Variants in COL5A1 observed in about 807,000 individuals in gnomAD.
The protein encoded by COL5A1 is collagen type V alpha 1 chain, also known as collagen alpha-1(V) chain.
A neutral mutation model predicts 263.7 loss-of-function variants in COL5A1; 16 were observed. The ratio of observed to expected loss-of-function variants is 0.06; its 90% CI spans 0.04 to 0.09. The LOEUF is 0.09. COL5A1 is among the 10% of genes least tolerant of loss of function. The pLI, the probability that COL5A1 is intolerant of heterozygous loss-of-function variation, is 1.00. For missense variants in COL5A1, 2,036 were observed against 2,540.5 expected (o/e 0.80, Z 4.27); for synonymous variants, 1,012 against 1,004.5 (o/e 1.01, Z -0.14).
chr9:134,717,160 C>T (rs545349542), intron 4 of COL5A1, among the ~76,000 whole-genome samples: 3 of 152,228 alleles, frequency 2.0e-5, no homozygotes, highest in Non-Finnish European at 4.4e-5. Context: ...CTCCTACGTG[C>T]GCAGCGCTAA....
intron 63 of COL5A1, among the ~76,000 whole-genome samples, chr9:134,827,563 G>A (rs760544871): frequency 1.5e-4 from 23 of 152,346 alleles, no homozygotes; most frequent in African/African-American, 5.3e-4. Context: ...TGGCCTTGCC[G>A]CTGTGGAAAT....
At chr9:134,810,601 A>G (rs1044968416) in intron 44 of COL5A1, 4 of 451,434 alleles carry the variant, frequency 8.9e-6, no homozygotes, top group African/African-American at 7.8e-5. Flanking sequence ...AGACACACCC[A>G]TTGCCCTCTG....
intron 4 of COL5A1, chr9:134,708,829 T>G: frequency 2.2e-6 from 1 of 456,656 alleles, no homozygotes; most frequent in Non-Finnish European, 4.4e-6. Context: ...AAGATCGAGG[T>G]GTGGGCGGGG....
chr9:134,646,627 C>T (rs2132463667), intron 1 of COL5A1, among the ~76,000 whole-genome samples: 1 of 152,326 alleles, frequency 6.6e-6, no homozygotes, highest in East Asian at 1.9e-4. Flanking sequence ...AACCCTTTCT[C>T]TGCCCCCGTT....
At chr9:134,760,461 ACCCC>A (rs1836334685) in intron 18 of COL5A1, among the ~76,000 whole-genome samples, 1 of 83,940 alleles carries the variant, frequency 1.2e-5, no homozygotes, top group Non-Finnish European at 2.1e-5. Flanking sequence ...ACACCCACAC[ACCCC>A]CACATTCATA....
intron 58 of COL5A1, among the ~76,000 whole-genome samples, chr9:134,820,709 G>A (rs547146222): frequency 1.1e-4 from 17 of 152,284 alleles, no homozygotes; most frequent in Admixed American, 1.3e-4. Context: ...CCAAGGAAAC[G>A]CCATGCAGAG....
At chr9:134,817,695 A>G (rs2132860808) in intron 53 of COL5A1, 83 bp from the exon 54 acceptor site, 1 of 1,270,420 alleles carries the variant, frequency 7.9e-7, no homozygotes, top group East Asian at 2.5e-5. Context: ...ACACACACAC[A>G]CACCCTGAGC....
intron 1 of COL5A1, among the ~76,000 whole-genome samples, chr9:134,675,208 A>C (rs1161043737): frequency 6.6e-6 from 1 of 152,184 alleles, no homozygotes; most frequent in Non-Finnish European, 1.5e-5. Context: ...TCTCAAATTC[A>C]GTGTTAAACT....
At chr9:134,766,890 G>C (rs1199287401) in intron 22 of COL5A1, 110 bp from the exon 23 acceptor site, 1 of 1,066,954 alleles carries the variant, frequency 9.4e-7, no homozygotes, top group African/African-American at 1.6e-5. Flanking sequence ...GCATTAGGCA[G>C]TGGGGAGCAG....
chr9:134,703,849 C>G (rs542945505), intron 4 of COL5A1, among the ~76,000 whole-genome samples: 2 of 151,772 alleles, frequency 1.3e-5, no homozygotes, highest in African/African-American at 2.4e-5. Context: ...CTGTGTTAGC[C>G]AGGATGGTCT....
rs182995095 is a variant in COL5A1 at position 134,834,167 on chromosome 9, C to A, written c.5137-804C>A. On this transcript the variant is annotated intron_variant, in intron 64 of 65. Coordinates refer to ENST00000371817, the MANE Select transcript of COL5A1 (RefSeq NM_000093.5). The stretch of plus-strand genomic sequence containing the variant: ...CCTCCTCCTCTCACCCCCAGGGAAC[C>A]TAATGCCCCTCTCTGGCCCTGCACC... Among the ~76,000 whole-genome samples the A allele has an allele frequency of 6.6e-3, 998 of 152,294 alleles. 28 individuals carry two copies. The highest frequency in any genetic ancestry group is 3.4e-3 in the Middle Eastern group (1 of 292).
chr9:134,659,395 T>C (rs974515513), intron 1 of COL5A1, among the ~76,000 whole-genome samples: 2 of 152,050 alleles, frequency 1.3e-5, no homozygotes, highest in Non-Finnish European at 2.9e-5. Flanking sequence ...AAAACAATAA[T>C]AATAATCATA....
chr9:134,753,759 T>TCCCCCTTCCCCCCCCCCTCCCCC, intron 14 of COL5A1, 91 bp from the exon 15 acceptor site: 1 of 540,648 alleles, frequency 1.8e-6, no homozygotes, highest in Non-Finnish European at 3.7e-6. Flanking sequence ...CCCTGTCCCC[T>TCCCCCTTCCCCCCCCCCTCCCCC]CCCCCTGCCC....
rs542939338 is a variant in COL5A1 at position 134,789,189 on chromosome 9, A to G, written c.2681A>G (p.Asn894Ser). The G allele has an allele frequency of 2.5e-6, 4 of 1,613,076 alleles. No individual in the cohort carries two copies. The highest frequency in any genetic ancestry group is 1.3e-5 in the African/African-American group (1 of 75,030). ...SIGFPGFPGANGEKGGRGTPG... is the reference protein window; with the variant it reads ...SIGFPGFPGASGEKGGRGTPG... ...GGATTCCCTGGATTTCCTGGCGCCA[A>G]TGGAGAGAAGGGCGGCAGGGTAAGG... is the stretch of plus-strand genomic sequence containing the variant. The change falls in exon 32 of 66, where the codon AAT becomes AGT. Residue 894 changes from asparagine (N) to serine (S), a missense_variant. This residue lies in a region of COL5A1 where 1,078 missense variants were observed against 1,521.4 expected (regional missense o/e 0.71). Transcript: ENST00000371817. The surrounding 1 kb of genome is among the most constrained non-coding windows in gnomAD (Gnocchi z 4.8).
At chr9:134,710,649 TG>T (rs1834002830) in intron 4 of COL5A1, among the ~76,000 whole-genome samples, 1 of 28,926 alleles carries the variant, frequency 3.5e-5, no homozygotes. Flanking sequence ...GGTGCAGTGG[TG>T]GGGGAGGAGC....
rs751792216 is a variant in COL5A1, at chr9:134,804,981, C to T, written c.3121C>T (p.Pro1041Ser). ...TCTCTGACTCTGTTTTCAGGGTGAC[C>T]CAGGCCCTGCAGGCCTCCCTGGGAA... ...LAGKEGTKGD[P>S]GPAGLPGKDG... Residue 1041 changes from proline to serine, a missense_variant, in exon 40 of 66, where the codon CCA becomes TCA. By Grantham distance (74) the Pro-to-Ser change is moderately conservative (BLOSUM62 -1). This residue lies in a region of COL5A1 where 1,078 missense variants were observed against 1,521.4 expected (regional missense o/e 0.71). Coordinates refer to ENST00000371817, the MANE Select transcript of COL5A1 (RefSeq NM_000093.5). 4 of 1,613,326 alleles carry T rather than the reference C, an allele frequency of 2.5e-6. No individual in the cohort carries two copies. The highest frequency in any genetic ancestry group is 2.5e-6 in the Non-Finnish European group (3 of 1,179,522).
chr9:134,803,208 G>C (rs1245328321), intron 39 of COL5A1, among the ~76,000 whole-genome samples: 1 of 152,172 alleles, frequency 6.6e-6, no homozygotes, highest in African/African-American at 2.4e-5. Context: ...CTTGAAGGGG[G>C]AGCGCAGGGG....
intron 53 of COL5A1, 53 bp downstream of exon 53, chr9:134,817,132 C>G: frequency 6.7e-7 from 1 of 1,489,858 alleles, no homozygotes; most frequent in Non-Finnish European, 9.4e-7. Flanking sequence ...ATGAAACACC[C>G]CCGCCCCTCC....
Position 134,786,015 on chromosome 9 carries a change from G to A in COL5A1, c.2613G>A (p.Gly871=), listed in dbSNP as rs1197629484. ...CCCAGGGAAAACTCGGAGTCCCAGG[G>A]TTACCAGGGTATCCAGGAAGACAAG... ...PGEKGKLGVP[G]LPGYPGRQGP... is the part of the protein sequence containing the mutation. The change falls in exon 31 of 66, where the codon GGG becomes GGA. Residue 871 remains glycine (G), a synonymous_variant. Coordinates refer to ENST00000371817, the MANE Select transcript of COL5A1 (RefSeq NM_000093.5). 4 of 1,613,468 alleles carry A rather than the reference G, an allele frequency of 2.5e-6. No individual in the cohort carries two copies. Among genetic ancestry groups the A allele is most frequent in the Non-Finnish European group, 3.4e-6 (4 of 1,179,820 alleles).
Sources: gnomAD v4.1 joint callset for allele counts (sites outside exome capture counted in the v4.1 genomes callset) on GRCh38, gnomAD v4.1.1 for gene constraint, gnomAD v4.1.1 regional missense constraint, Gnocchi (gnomAD v3.1) non-coding constraint, MANE v1.5 for transcripts, NCBI Gene and HGNC (gene_info 2026-07-23, HGNC 2026-07-21) for gene names.